The following ZKSCAN5 variants were observed in gnomAD, a reference collection of about 807,000 sequenced individuals.
ZKSCAN5 encodes zinc finger protein with KRAB and SCAN domains 5.
Under a neutral mutation model 60.0 loss-of-function variants are expected in ZKSCAN5, and 28 were observed. That is an observed-to-expected ratio of 0.47 (90% CI 0.35 to 0.64). ZKSCAN5 has a LOEUF of 0.64. Ranked by LOEUF, ZKSCAN5 falls within the 30% of genes least tolerant of loss-of-function variation. The pLI is 0.01. For synonymous variants in ZKSCAN5, 361 were observed against 371.2 expected (o/e 0.97, Z 0.31); for missense variants, 881 against 1,034.6 (o/e 0.85, Z 2.04).
In ZKSCAN5 at chr7:99,531,989, G is replaced by A. The variant is rs752730207; in HGVS notation, c.2260G>A (p.Val754Ile). The A allele has an allele frequency of 6.2e-7, 1 of 1,614,170 alleles. No homozygotes were observed. Among genetic ancestry groups the A allele is most frequent in the South Asian group, 1.1e-5 (1 of 91,084 alleles). ...TCAATGTGATATATGTAGAGAAAAT[G>A]TTGGCCAGTGTTCCCACACCAAACA... ...PYQCDICRENVGQCSHTKQHQ... is the reference protein window; with the variant it reads ...PYQCDICRENIGQCSHTKQHQ... Residue 754 changes from valine (V) to isoleucine (I), a missense_variant, in exon 7 of 7, where the codon GTT becomes ATT. Coordinates refer to ENST00000326775, the MANE Select transcript of ZKSCAN5 (RefSeq NM_145102.4).
At chr7:99,516,954 T>C (rs1365319396) in intron 3 of ZKSCAN5, among the ~76,000 whole-genome samples, 1 of 152,192 alleles carries the variant, frequency 6.6e-6, no homozygotes, top group Non-Finnish European at 1.5e-5. Flanking sequence ...GTCCAATCTT[T>C]TGGCTTTCCT....
intron 5 of ZKSCAN5, among the ~76,000 whole-genome samples, chr7:99,521,727 G>T (rs972426203): frequency 6.6e-6 from 1 of 150,974 alleles, no homozygotes; most frequent in Non-Finnish European, 1.5e-5. Context: ...TTATTTTGAT[G>T]TTTTAATTTT....
rs184883421 is a variant in ZKSCAN5, at chr7:99,532,864, A to G, written c.*615A>G. 1 of 159,188 alleles carries G rather than the reference A, an allele frequency of 6.3e-6. No individual in the cohort carries two copies. Among genetic ancestry groups the G allele is most frequent in the Non-Finnish European group, 1.4e-5 (1 of 72,090 alleles). 9.9% of individuals were successfully genotyped at this position (159,188 alleles called of 1,614,324 possible). A position where few individuals can be genotyped will look rare whatever the true frequency, so the allele number is the denominator to read the frequency against. Reference sequence around the variant, plus strand: ...GGATGGTATGTGTTTCTGCTGCCTTATTCAATCCACCACTTCTCTGTGAAA... The same window carrying G: ...GGATGGTATGTGTTTCTGCTGCCTTGTTCAATCCACCACTTCTCTGTGAAA... On this transcript the variant is annotated 3_prime_UTR_variant, in exon 7 of 7. Transcript: ENST00000326775.
chr7:99,513,434 C>T (rs1420839686), intron 3 of ZKSCAN5, among the ~76,000 whole-genome samples: 1 of 152,148 alleles, frequency 6.6e-6, no homozygotes, highest in Non-Finnish European at 1.5e-5. Flanking sequence ...CACCCTGTTG[C>T]CTGGGATGGA....
In ZKSCAN5 at chr7:99,531,276, T is replaced by C; in HGVS notation, c.1547T>C (p.Ile516Thr). 6.2e-7 allele frequency: 1 copy of C among 1,614,082 alleles called. No homozygotes were observed. Among genetic ancestry groups the C allele is most frequent in the Non-Finnish European group, 8.5e-7 (1 of 1,180,000 alleles). Reference sequence around the variant, plus strand: ...GGCAAGCTGGATAGAAAGCAGGGAATTCCCATGAAAGAGATACTAGGACAA... The same window carrying C: ...GGCAAGCTGGATAGAAAGCAGGGAACTCCCATGAAAGAGATACTAGGACAA... ...FQGKLDRKQG[I>T]PMKEILGQPS... The change falls in exon 7 of 7, where the codon ATT becomes ACT. Residue 516 changes from isoleucine to threonine, a missense_variant. Physicochemically the swap from Ile to Thr is moderately conservative, Grantham distance 89. Coordinates refer to ENST00000326775, the MANE Select transcript of ZKSCAN5 (RefSeq NM_145102.4).
chr7:99,533,687 GACTGCT>G lies in ZKSCAN5; in HGVS notation c.*1439_*1444del, dbSNP rs1748214843. 2.5e-6 allele frequency: 1 copy of G among 400,604 alleles called. No homozygotes were observed. Among genetic ancestry groups the G allele is most frequent in the Admixed American group, 4.3e-5 (1 of 23,058 alleles). The allele number at this position is 400,604 out of a possible 1,614,324, so 24.8% of individuals were successfully genotyped here. On this transcript the variant is annotated 3_prime_UTR_variant, in exon 7 of 7. Transcript: ENST00000326775. ...AGCGGAGAAAACTCCAGGGTGCTAT[GACTGCT>G]CTGGCACCCTTGGATCAGGCCAAGC...
intron 4 of ZKSCAN5, 68 bp downstream of exon 4, chr7:99,519,977 T>C (rs1801452471): frequency 6.3e-7 from 1 of 1,582,482 alleles, no homozygotes; most frequent in South Asian, 1.1e-5. Context: ...TCTGTTTCTT[T>C]AGCCAGTGAC....
At chr7:99,510,709 A>G (rs1180328160) in intron 2 of ZKSCAN5, among the ~76,000 whole-genome samples, 2 of 151,856 alleles carry the variant, frequency 1.3e-5, no homozygotes, top group Non-Finnish European at 2.9e-5. Context: ...CCCCCAAAGT[A>G]CTGGGATTAC....
intron 5 of ZKSCAN5, among the ~76,000 whole-genome samples, chr7:99,521,760 G>A (rs1456212047): frequency 1.3e-5 from 2 of 151,524 alleles, no homozygotes; most frequent in Non-Finnish European, 2.9e-5. Context: ...TCAAATTTAT[G>A]CTTTAAAATT....
chr7:99,522,702 G>C (rs1801591845), intron 5 of ZKSCAN5, among the ~76,000 whole-genome samples: 1 of 151,674 alleles, frequency 6.6e-6, no homozygotes, highest in Non-Finnish European at 1.5e-5. Flanking sequence ...GGCCAAGCTG[G>C]TCTCAAACTC....
Position 99,533,691 on chromosome 7 carries a change from G to T in ZKSCAN5, c.*1442G>T. 2.5e-6 allele frequency: 1 copy of T among 400,086 alleles called. No individual in the cohort carries two copies. 24.8% of individuals were successfully genotyped at this position (400,086 alleles called of 1,614,324 possible). A position where few individuals can be genotyped will look rare whatever the true frequency, so the allele number is the denominator to read the frequency against. ...GAGAAAACTCCAGGGTGCTATGACT[G>T]CTCTGGCACCCTTGGATCAGGCCAA... On this transcript the variant is annotated 3_prime_UTR_variant, in exon 7 of 7. Coordinates refer to ENST00000326775, the MANE Select transcript of ZKSCAN5 (RefSeq NM_145102.4).
In ZKSCAN5 at chr7:99,525,802, T is replaced by A. The variant is rs1443485147; in HGVS notation, c.773-11T>A. The A allele has an allele frequency of 4.4e-6, 7 of 1,580,602 alleles. No homozygotes were observed. The highest frequency in any genetic ancestry group is 6.0e-6 in the Non-Finnish European group (7 of 1,161,656). On this transcript the variant is annotated splice_polypyrimidine_tract_variant and intron_variant, in intron 5 of 6. Transcript: ENST00000326775. ...AAAGCTCATTTTTTAATTCTCCCTC[T>A]GTTATTTCAGGTTATGAGTCCAGGG...
intron 2 of ZKSCAN5, among the ~76,000 whole-genome samples, chr7:99,507,798 C>T (rs145305166): frequency 6.6e-6 from 1 of 151,654 alleles, no homozygotes; most frequent in East Asian, 1.9e-4. Flanking sequence ...TCCAGCTACT[C>T]AAGAGGCTGA....
intron 3 of ZKSCAN5, among the ~76,000 whole-genome samples, chr7:99,513,219 T>C (rs975645695): frequency 1.3e-5 from 2 of 152,042 alleles, no homozygotes; most frequent in African/African-American, 4.8e-5. Flanking sequence ...TAATCCAGTC[T>C]ATCATTGTTG....
rs1163226569 is a variant in ZKSCAN5 at position 99,506,428 on chromosome 7, A to G, written c.384A>G (p.Ile128Met). The change falls in exon 2 of 7, where the codon ATA becomes ATG. Residue 128 changes from isoleucine (I) to methionine (M), a missense_variant. Physicochemically the swap from Ile to Met is conservative, Grantham distance 10. Around this residue, in one of 5 missense-constraint regions of ZKSCAN5, gnomAD observed 490 missense variants for 554.5 expected, o/e 0.88. Coordinates refer to ENST00000326775, the MANE Select transcript of ZKSCAN5 (RefSeq NM_145102.4). ...GEEAVAVIENIQRELEERRQQ... is the reference protein window; with the variant it reads ...GEEAVAVIENMQRELEERRQQ... ...AGGCGGTGGCCGTGATAGAAAATATACAGCGAGAACTTGAGGAACGCAGAC... is the reference window on the plus strand; with the variant it reads ...AGGCGGTGGCCGTGATAGAAAATATGCAGCGAGAACTTGAGGAACGCAGAC... The G allele has an allele frequency of 6.2e-7, 1 of 1,613,468 alleles. No homozygotes were observed. Among genetic ancestry groups the G allele is most frequent in the South Asian group, 1.1e-5 (1 of 91,072 alleles).
chr7:99,511,174 A>T (rs1237597920), intron 2 of ZKSCAN5, among the ~76,000 whole-genome samples: 1 of 152,248 alleles, frequency 6.6e-6, no homozygotes, highest in Non-Finnish European at 1.5e-5. Context: ...ATATGTTAGT[A>T]GTGAGCTAGT....
At position 99,512,579 on chromosome 7, in the gene ZKSCAN5, C is replaced by T; in HGVS notation, c.541C>T (p.Leu181=). 1 of 1,614,000 alleles carries T rather than the reference C, an allele frequency of 6.2e-7. No individual in the cohort carries two copies. The highest frequency in any genetic ancestry group is 1.1e-5 in the South Asian group (1 of 91,070). ...GCAAGCGCCACAGAAGCCTCGTCTC[C>T]TGGAGGAAAATGGTGAGGCTCAGTG... ...PEQAPQKPRL[L]EENALPVLQV... Residue 181 remains leucine, a synonymous_variant, in exon 3 of 7, where the codon CTG becomes TTG. Transcript: ENST00000326775.
At chr7:99,509,180 G>C (rs77268569) in intron 2 of ZKSCAN5, among the ~76,000 whole-genome samples, 1 of 151,986 alleles carries the variant, frequency 6.6e-6, no homozygotes, top group East Asian at 1.9e-4. Context: ...GTAGAGACAG[G>C]GTTTCGCCAT....
chr7:99,520,555 G>A (rs1040730380), intron 5 of ZKSCAN5, among the ~76,000 whole-genome samples: 7 of 152,006 alleles, frequency 4.6e-5, no homozygotes, highest in Non-Finnish European at 7.4e-5. Flanking sequence ...CAATCCAGCA[G>A]ATGCTAACTT....
Sources: gnomAD v4.1 joint callset for allele counts (sites outside exome capture counted in the v4.1 genomes callset) on GRCh38, gnomAD v4.1.1 for gene constraint, gnomAD v4.1.1 regional missense constraint, MANE v1.5 for transcripts, NCBI Gene and HGNC (gene_info 2026-07-23, HGNC 2026-07-21) for gene names.